The following ADAMTSL1 variants were observed in gnomAD, a reference collection of about 807,000 sequenced individuals.
ADAMTSL1 encodes ADAMTS like 1, also known as ADAMTS-like protein 1.
Under a neutral mutation model 201.8 loss-of-function variants are expected in ADAMTSL1, and 126 were observed. That is an observed-to-expected ratio of 0.62 (90% CI 0.54 to 0.72). The LOEUF is 0.72. Ranked by LOEUF, ADAMTSL1 falls within the 30% of genes least tolerant of loss-of-function variation. The probability of loss-of-function intolerance (pLI) is 0.00; values close to 1 mark genes in which losing one functional copy is unlikely to be tolerated. For synonymous variants in ADAMTSL1, 1,121 were observed against 903.4 expected (o/e 1.24, Z -4.32); for missense variants, 2,679 against 2,277.8 (o/e 1.18, Z -3.59).
intron 2 of ADAMTSL1, among the ~76,000 whole-genome samples, chr9:18,205,860 C>G (rs1215129925): frequency 6.6e-6 from 1 of 151,764 alleles, no homozygotes; most frequent in African/African-American, 2.4e-5. Context: ...TCGAGACCAG[C>G]CTGGGCAACA....
chr9:18,415,103 G>C (rs997878266), intron 2 of ADAMTSL1, among the ~76,000 whole-genome samples: 1 of 152,142 alleles, frequency 6.6e-6, no homozygotes, highest in African/African-American at 2.4e-5. Flanking sequence ...CAAAGCTTAA[G>C]AATGTTTACA....
chr9:18,494,867 C>T (rs1822451884), intron 1 of ADAMTSL1, among the ~76,000 whole-genome samples: 1 of 152,118 alleles, frequency 6.6e-6, no homozygotes, highest in South Asian at 2.1e-4. Context: ...CAGCTTTAGG[C>T]AGTGGAGCCA....
intron 1 of ADAMTSL1, among the ~76,000 whole-genome samples, chr9:18,143,208 G>T (rs62549928): frequency 1.2e-3 from 181 of 152,316 alleles, no homozygotes; most frequent in Non-Finnish European, 1.9e-3. Flanking sequence ...CTCATTTTAA[G>T]ACTCTGGATT....
chr9:18,324,796 T>G (rs2132872496), intron 2 of ADAMTSL1, among the ~76,000 whole-genome samples: 1 of 151,948 alleles, frequency 6.6e-6, no homozygotes, highest in South Asian at 2.1e-4. Context: ...CATCAAAATT[T>G]TAAATGTATC....
Position 18,777,400 on chromosome 9 carries a change from C to A in ADAMTSL1, c.3171C>A (p.Asp1057Glu). 6.2e-7 allele frequency: 1 copy of A among 1,602,896 alleles called. No individual in the cohort carries two copies. The highest frequency in any genetic ancestry group is 8.5e-7 in the Non-Finnish European group (1 of 1,175,336). The stretch of plus-strand genomic sequence containing the variant: ...AAAGGAACACGACCTCGGAGGAGGA[C>A]CCGGGTGCAGAGCAAGTGCTCCTGC... ...SAERNTTSEE[D>E]PGAEQVLLHL... The change falls in exon 19 of 29, where the codon GAC (aspartate) becomes GAA (glutamate). Residue 1057 changes from aspartate (D) to glutamate (E), a missense_variant. By Grantham distance (45) the Asp-to-Glu change is conservative. Transcript: ENST00000380548.
chr9:18,146,293 A>C (rs1427188174), intron 1 of ADAMTSL1, among the ~76,000 whole-genome samples: 1 of 152,150 alleles, frequency 6.6e-6, no homozygotes, highest in African/African-American at 2.4e-5. Context: ...AAAAACCTGC[A>C]GTCAGATATT....
chr9:18,411,121 C>A (rs1224018984), intron 2 of ADAMTSL1, among the ~76,000 whole-genome samples: 1 of 151,272 alleles, frequency 6.6e-6, no homozygotes, highest in Non-Finnish European at 1.5e-5. Context: ...CTTGGTCTCC[C>A]AAAGTGCTGG....
At chr9:18,319,709 A>G (rs1047727954) in intron 2 of ADAMTSL1, among the ~76,000 whole-genome samples, 3 of 152,324 alleles carry the variant, frequency 2.0e-5, no homozygotes, top group African/African-American at 7.2e-5. Flanking sequence ...AAGAACAACT[A>G]TTAAAATGGC....
chr9:18,257,197 A>T (rs1352454575), intron 2 of ADAMTSL1, among the ~76,000 whole-genome samples: 1 of 152,224 alleles, frequency 6.6e-6, no homozygotes, highest in Non-Finnish European at 1.5e-5. Context: ...AAATTTTCAT[A>T]TTTGAAATTT....
chr9:18,907,022 G>C (rs763894917), intron 28 of ADAMTSL1, 110 bp downstream of exon 28: 2 of 1,266,026 alleles, frequency 1.6e-6, no homozygotes, highest in East Asian at 4.7e-5. Context: ...AGCTTCCCCA[G>C]GGATTGTGAG....
intron 1 of ADAMTSL1, among the ~76,000 whole-genome samples, chr9:18,011,175 CA>C (rs1475541527): frequency 2.6e-5 from 4 of 151,880 alleles, no homozygotes; most frequent in African/African-American, 9.7e-5. Flanking sequence ...GATCTTGAGA[CA>C]AAAGAGGTAT....
intron 2 of ADAMTSL1, among the ~76,000 whole-genome samples, chr9:18,251,109 A>G (rs956233672): frequency 1.3e-5 from 2 of 152,182 alleles, no homozygotes; most frequent in African/African-American, 4.8e-5. Context: ...AAAAAAAAGT[A>G]TAATTAAAAA....
At chr9:18,853,650 A>T (rs1826646324) in intron 23 of ADAMTSL1, among the ~76,000 whole-genome samples, 1 of 152,266 alleles carries the variant, frequency 6.6e-6, no homozygotes, top group African/African-American at 2.4e-5. Flanking sequence ...CATTTAAACT[A>T]TAAACTACAT....
In ADAMTSL1 at chr9:18,296,752, T is replaced by C. The variant is rs188794161; in HGVS notation, c.207+132771T>C. 1.4e-4 allele frequency among the ~76,000 whole-genome samples: 22 copies of C among 152,320 alleles called. No individual in the cohort carries two copies. The East Asian group carries it at 3.9e-3, about 27-fold the overall frequency. On this transcript the variant is annotated intron_variant, in intron 2 of 29. Coordinates refer to the ADAMTSL1 transcript ENST00000680146. ...CTCTAAATAGTCCACAGAGCCAGGA[T>C]TGAGCATTTTACTGTAGATCATCCT...
At chr9:18,825,717 A>AGT in intron 21 of ADAMTSL1, among the ~76,000 whole-genome samples, 1 of 151,424 alleles carries the variant, frequency 6.6e-6, no homozygotes, top group African/African-American at 2.4e-5. Flanking sequence ...TCTCAGTCAC[A>AGT]ACCCCTCCCC....
chr9:18,477,056 C>A (rs1821489176), intron 1 of ADAMTSL1, among the ~76,000 whole-genome samples: 1 of 152,156 alleles, frequency 6.6e-6, no homozygotes, highest in African/African-American at 2.4e-5. Context: ...CAAGAGATTT[C>A]ATTTGATATT....
At chr9:18,178,391 C>A (rs1341772513) in intron 2 of ADAMTSL1, among the ~76,000 whole-genome samples, 2 of 152,210 alleles carry the variant, frequency 1.3e-5, no homozygotes, top group Non-Finnish European at 2.9e-5. Flanking sequence ...CATGGAGTCT[C>A]GCTGATTGCT....
chr9:18,680,466 C>A lies in ADAMTSL1; in HGVS notation c.1291C>A (p.Pro431Thr), dbSNP rs151041191. The A allele has an allele frequency of 2.4e-5, 38 of 1,614,034 alleles. No homozygotes were observed. In the African/African-American group the frequency reaches 4.0e-4, roughly 17 times the overall value. The change falls in exon 11 of 29, where the codon CCC becomes ACC. Residue 431 changes from proline (P) to threonine (T), a missense_variant. Coordinates refer to ENST00000380548, the MANE Select transcript of ADAMTSL1 (RefSeq NM_001040272.6). ...CACCCCTAAGATGCCCATCGCGCAG[C>A]CCTGCAACATTTTTGACTGCCCTAA... is the stretch of plus-strand genomic sequence containing the variant. ...MYTPKMPIAQ[P>T]CNIFDCPKWL... is the part of the protein sequence containing the mutation.
intron 1 of ADAMTSL1, among the ~76,000 whole-genome samples, chr9:18,118,349 A>G (rs1005894225): frequency 6.6e-6 from 1 of 152,222 alleles, no homozygotes. Flanking sequence ...TTGATTTAAG[A>G]TGCTGAGCAA....
Sources: gnomAD v4.1 joint callset for allele counts (sites outside exome capture counted in the v4.1 genomes callset) on GRCh38, gnomAD v4.1.1 for gene constraint, MANE v1.5 for transcripts, NCBI Gene and HGNC (gene_info 2026-07-23, HGNC 2026-07-21) for gene names.